Variants in C8A observed in about 807,000 individuals in gnomAD.
The protein encoded by C8A is complement C8 alpha chain.
A neutral mutation model predicts 65.3 loss-of-function variants in C8A; 67 were observed. That is an observed-to-expected ratio of 1.03 (90% CI 0.84 to 1.26). C8A has a LOEUF of 1.26. C8A is among the 50% of genes most tolerant of loss of function. The pLI is 0.00. For synonymous variants in C8A, 290 were observed against 259.4 expected (o/e 1.12, Z -1.13); for missense variants, 781 against 723.9 (o/e 1.08, Z -0.90).
chr1:56,858,760 A>G (rs1365048043), intron 1 of C8A, among the ~76,000 whole-genome samples: 2 of 152,364 alleles, frequency 1.3e-5, no homozygotes, highest in East Asian at 1.9e-4. Context: ...GAATCATGTA[A>G]TATGGAAACT....
At chr1:56,913,372 T>A (rs1455953319) in intron 10 of C8A, among the ~76,000 whole-genome samples, 1 of 152,258 alleles carries the variant, frequency 6.6e-6, no homozygotes, top group Non-Finnish European at 1.5e-5. Flanking sequence ...TAAGAAGTTA[T>A]GACTAAAAAC....
intron 6 of C8A, 91 bp downstream of exon 6, chr1:56,883,772 T>C: frequency 2.7e-6 from 3 of 1,127,838 alleles, no homozygotes; most frequent in Non-Finnish European, 3.9e-6. Flanking sequence ...ACAGTAGTAA[T>C]TGAACCTTAA....
At chr1:56,881,367 A>G (rs1007249830) in intron 4 of C8A, 78 bp from the exon 5 acceptor site, 1 of 1,399,610 alleles carries the variant, frequency 7.1e-7, no homozygotes, top group Non-Finnish European at 1.0e-6. Context: ...ATGGTGGTTT[A>G]ATATACAGAT....
chr1:56,905,517 C>A lies in C8A; in HGVS notation c.1097-1150C>A, dbSNP rs148671873. 3.5e-4 allele frequency among the ~76,000 whole-genome samples: 53 copies of A among 152,332 alleles called. No homozygotes were observed. In the East Asian group the frequency reaches 0.01, roughly 29 times the overall value. ...GAACACGGCACACACCACATTGCTA[C>A]GCTAACAAGACAATGGTGAATTAGA... On this transcript the variant is annotated intron_variant, in intron 7 of 10. Coordinates refer to ENST00000361249, the MANE Select transcript of C8A (RefSeq NM_000562.3).
chr1:56,895,422 G>T (rs1358575712), intron 7 of C8A, among the ~76,000 whole-genome samples: 1 of 152,134 alleles, frequency 6.6e-6, no homozygotes, highest in Non-Finnish European at 1.5e-5. Flanking sequence ...CTTGCCCAAG[G>T]TCACATAGCT....
At position 56,917,591 on chromosome 1, in the gene C8A, T is replaced by C. The variant is rs1389252499; in HGVS notation, c.1630T>C (p.Cys544Arg). The C allele has an allele frequency of 6.2e-7, 1 of 1,614,166 alleles. No homozygotes were observed. Among genetic ancestry groups the C allele is most frequent in the East Asian group, 2.2e-5 (1 of 44,856 alleles). ...AGCCAAAGCAGATGGGAGCTGGAGT[T>C]GCTGGAGCTCCTGGTCTGTATGCAG... Reference protein sequence around the residue: ...EGAKADGSWSCWSSWSVCRAG... With the variant: ...EGAKADGSWSRWSSWSVCRAG... Residue 544 changes from cysteine to arginine, a missense_variant, in exon 11 of 11, where the codon TGC becomes CGC. Transcript: ENST00000361249.
chr1:56,906,911 G>A, intron 8 of C8A, 119 bp downstream of exon 8: 1 of 1,252,096 alleles, frequency 8.0e-7, no homozygotes. Context: ...TGATCAGACT[G>A]CATAGACGCT....
chr1:56,905,200 A>G (rs1225933135), intron 7 of C8A, among the ~76,000 whole-genome samples: 1 of 152,150 alleles, frequency 6.6e-6, no homozygotes, highest in Admixed American at 6.5e-5. Context: ...TTCCCCAAGC[A>G]CTTTCAGCTC....
intron 10 of C8A, among the ~76,000 whole-genome samples, chr1:56,915,887 T>C (rs969817848): frequency 6.6e-6 from 1 of 152,164 alleles, no homozygotes; most frequent in African/African-American, 2.4e-5. Context: ...AGTATCATTT[T>C]GGGGAGTGGA....
intron 4 of C8A, among the ~76,000 whole-genome samples, chr1:56,878,748 C>A (rs1452666627): frequency 6.6e-6 from 1 of 151,818 alleles, no homozygotes; most frequent in Non-Finnish European, 1.5e-5. Context: ...GTCCAACAGC[C>A]CTCTCTCCCT....
chr1:56,915,362 T>C (rs2101317953), intron 10 of C8A, among the ~76,000 whole-genome samples: 1 of 152,220 alleles, frequency 6.6e-6, no homozygotes, highest in South Asian at 2.1e-4. Flanking sequence ...CCATCTTCCA[T>C]GGAACTGCAG....
chr1:56,908,007 G>A lies in C8A; in HGVS notation c.1274G>A (p.Gly425Asp), dbSNP rs1327608784. ...GAAGACATTATTTCTCGGGTGCGAG[G>A]TGGCAGTTCTGGCTGGAGCGGTGGC... ...AVEDIISRVRGGSSGWSGGLA... is the reference protein window; with the variant it reads ...AVEDIISRVRDGSSGWSGGLA... The change falls in exon 9 of 11, where the codon GGT becomes GAT. Residue 425 changes from glycine (G) to aspartate (D), a missense_variant. Physicochemically the swap from Gly to Asp is moderately conservative, Grantham distance 94. Coordinates refer to ENST00000361249, the MANE Select transcript of C8A (RefSeq NM_000562.3). The A allele has an allele frequency of 1.9e-6, 3 of 1,614,184 alleles. No homozygotes were observed. The highest frequency in any genetic ancestry group is 1.7e-5 in the Admixed American group (1 of 60,030).
chr1:56,885,315 A>AATATATATTTATATATTTACATAAAT lies in C8A; in HGVS notation c.856-606_856-605insATTTATATATTTACATAAATATATAT. Among the ~76,000 whole-genome samples, 2 of 117,038 alleles carry AATATATATTTATATATTTACATAAAT rather than the reference A, an allele frequency of 1.7e-5. 1 individual carries two copies. The highest frequency in any genetic ancestry group is 7.8e-5 in the African/African-American group (2 of 25,730). 76.8% of individuals were successfully genotyped at this position (117,038 alleles called of 152,430 possible). On this transcript the variant is annotated intron_variant, in intron 6 of 10. Transcript: ENST00000361249. Reference sequence around the variant, plus strand: ...ATATATATTTATATATATTTACATAAATATATTTATTTAAATATATATTTA... The same window carrying AATATATATTTATATATTTACATAAAT: ...ATATATATTTATATATATTTACATAAATATATATTTATATATTTACATAAATATATATTTATTTAAATATATATTTA...
intron 6 of C8A, 93 bp from the exon 7 acceptor site, chr1:56,885,834 G>A (rs1293062229): frequency 4.5e-6 from 7 of 1,559,756 alleles, no homozygotes; most frequent in African/African-American, 1.4e-5. Flanking sequence ...ACAGGCATGA[G>A]CCACTGCACC....
intron 8 of C8A, 51 bp downstream of exon 8, chr1:56,906,843 G>C: frequency 6.2e-7 from 1 of 1,610,674 alleles, no homozygotes. Context: ...GCTTTCCTTT[G>C]GACACACACT....
In C8A at chr1:56,906,742, G is replaced by A. The variant is rs1644468466; in HGVS notation, c.1172G>A (p.Gly391Asp). 1.2e-6 allele frequency: 2 copies of A among 1,613,970 alleles called. No individual in the cohort carries two copies. The highest frequency in any genetic ancestry group is 1.6e-4 in the Middle Eastern group (1 of 6,084). ...GIQYEDKINV[G>D]GGLSGDHCKK... is the part of the protein sequence containing the mutation. ...CAATATGAAGACAAAATAAATGTTG[G>A]TGGAGGTTTATCAGGAGACCATTGT... Residue 391 changes from glycine to aspartate, a missense_variant, in exon 8 of 11, where the codon GGT becomes GAT. Coordinates refer to ENST00000361249, the MANE Select transcript of C8A (RefSeq NM_000562.3).
intron 1 of C8A, among the ~76,000 whole-genome samples, chr1:56,859,264 A>G (rs914210006): frequency 6.6e-6 from 1 of 152,252 alleles, no homozygotes; most frequent in African/African-American, 2.4e-5. Flanking sequence ...TGAAATTTTA[A>G]TGAAATAACT....
chr1:56,886,761 C>G (rs1644303570), intron 7 of C8A, among the ~76,000 whole-genome samples: 1 of 152,202 alleles, frequency 6.6e-6, no homozygotes, highest in South Asian at 2.1e-4. Flanking sequence ...TTCTACTTCA[C>G]AGATCTGATT....
chr1:56,885,332 A>ATATATT (rs1644283544), intron 6 of C8A, among the ~76,000 whole-genome samples: 1 of 136,860 alleles, frequency 7.3e-6, no homozygotes, highest in African/African-American at 2.7e-5. Flanking sequence ...TTATTTAAAT[A>ATATATT]TATATTTACA....
Sources: gnomAD v4.1 joint callset for allele counts (sites outside exome capture counted in the v4.1 genomes callset) on GRCh38, gnomAD v4.1.1 for gene constraint, MANE v1.5 for transcripts, NCBI Gene and HGNC (gene_info 2026-07-23, HGNC 2026-07-21) for gene names.